The following IDO2 variants were observed in gnomAD, a reference collection of about 807,000 sequenced individuals.
IDO2 encodes indoleamine 2,3-dioxygenase 2.
In IDO2, 46 loss-of-function variants were observed where a neutral mutation model predicts 45.1. That is an observed-to-expected ratio of 1.02 (90% CI 0.80 to 1.30). The LOEUF (loss-of-function observed/expected upper bound fraction) is 1.30, where lower values mean the gene tolerates loss of function less well. Ranked by LOEUF, IDO2 falls within the 50% of genes most tolerant of loss-of-function variation. The pLI is 0.00. For missense variants in IDO2, 544 were observed against 491.8 expected (o/e 1.11, Z -1.00); for synonymous variants, 218 against 184.9 (o/e 1.18, Z -1.45).
At chr8:39,966,887 G>A (rs28631334) in intron 3 of IDO2, among the ~76,000 whole-genome samples, 31,953 of 152,086 alleles carry the variant, frequency 0.21, 4,570 homozygotes, top group African/African-American at 0.41. Flanking sequence ...TAGCCCACTT[G>A]GCATTCAGGA....
At chr8:39,963,791 C>A in intron 3 of IDO2, 88 bp downstream of exon 3, 1 of 750,644 alleles carries the variant, frequency 1.3e-6, no homozygotes, top group Non-Finnish European at 2.2e-6. Flanking sequence ...TGTCAATTGT[C>A]CTGGGAAACT....
chr8:39,970,066 C>G (rs921257870), intron 3 of IDO2, among the ~76,000 whole-genome samples: 2 of 152,122 alleles, frequency 1.3e-5, no homozygotes, highest in Admixed American at 6.5e-5. Context: ...AGCAAAAGAG[C>G]CTTATTGCTG....
chr8:40,007,616 C>T (rs1324440875), intron 9 of IDO2, among the ~76,000 whole-genome samples: 1 of 152,180 alleles, frequency 6.6e-6, no homozygotes, highest in African/African-American at 2.4e-5. Flanking sequence ...ACTATAGATG[C>T]AGAAACAGAC....
intron 1 of IDO2, among the ~76,000 whole-genome samples, chr8:39,940,306 C>A (rs530707597): frequency 6.6e-6 from 1 of 152,258 alleles, no homozygotes; most frequent in South Asian, 2.1e-4. Flanking sequence ...TATCATTCAT[C>A]CAACAAATAT....
At chr8:40,006,915 C>T (rs928283647) in intron 9 of IDO2, among the ~76,000 whole-genome samples, 1 of 152,052 alleles carries the variant, frequency 6.6e-6, no homozygotes, top group Non-Finnish European at 1.5e-5. Context: ...CCCACCTTGG[C>T]CTCCCAAAAT....
exon 3 of IDO2, chr8:39,963,675 C>T (rs772584955): frequency 1.9e-6 from 3 of 1,610,690 alleles, no homozygotes; most frequent in Non-Finnish European, 2.5e-6. Flanking sequence ...TTGATTGATG[C>T]TCACCAGCTT....
chr8:39,992,951 TCA>T (rs1280685683), intron 8 of IDO2, among the ~76,000 whole-genome samples: 4 of 152,116 alleles, frequency 2.6e-5, no homozygotes, highest in Admixed American at 1.3e-4. Context: ...CCAGCTTTTC[TCA>T]GTTTTGTAAA....
chr8:39,970,707 A>T (rs954135886), intron 3 of IDO2, among the ~76,000 whole-genome samples: 2 of 152,000 alleles, frequency 1.3e-5, no homozygotes, highest in African/African-American at 4.8e-5. Context: ...TACATTTAAA[A>T]ATAGGTGTTC....
At chr8:39,987,687 T>C (rs749495382) in intron 6 of IDO2, 184 bp from the exon 7 acceptor site, 6 of 547,454 alleles carry the variant, frequency 1.1e-5, no homozygotes, top group Non-Finnish European at 2.0e-5. Flanking sequence ...TGAACTTATC[T>C]GTTCTCTTTC....
At chr8:39,963,942 A>T (rs1808040138) in intron 3 of IDO2, among the ~76,000 whole-genome samples, 1 of 152,148 alleles carries the variant, frequency 6.6e-6, no homozygotes, top group Non-Finnish European at 1.5e-5. Context: ...CCAATAACTC[A>T]CCAAATGTTT....
At chr8:40,015,704 A>C in exon 11 of IDO2, 5 of 817,886 alleles carry the variant, frequency 6.1e-6, no homozygotes, top group Admixed American at 2.5e-5. Flanking sequence ...GAAGGATCTC[A>C]GCCCTATTCA....
chr8:39,990,948 G>T (rs186788794), intron 8 of IDO2, among the ~76,000 whole-genome samples: 11 of 152,254 alleles, frequency 7.2e-5, no homozygotes, highest in African/African-American at 2.6e-4. Context: ...TGTGAGAGAG[G>T]GGTGTGGTTT....
intron 8 of IDO2, among the ~76,000 whole-genome samples, chr8:39,992,405 C>T (rs555660922): frequency 2.0e-5 from 3 of 152,302 alleles, no homozygotes; most frequent in Admixed American, 6.5e-5. Flanking sequence ...TGGTTCTAGG[C>T]TCCCATCCCA....
intron 9 of IDO2, among the ~76,000 whole-genome samples, chr8:40,012,030 C>A (rs913438381): frequency 1.3e-5 from 2 of 152,140 alleles, no homozygotes; most frequent in East Asian, 3.9e-4. Context: ...TGTAGCACAG[C>A]CAACCCAAAG....
intron 8 of IDO2, among the ~76,000 whole-genome samples, chr8:40,003,754 C>T (rs1026810131): frequency 6.6e-6 from 1 of 152,204 alleles, no homozygotes; most frequent in East Asian, 1.9e-4. Context: ...ATTCTCCTGG[C>T]TAGGACTTCT....
At chr8:39,982,500 C>G (rs537548935) in intron 4 of IDO2, among the ~76,000 whole-genome samples, 152 bp from the exon 5 acceptor site, 1 of 152,032 alleles carries the variant, frequency 6.6e-6, no homozygotes, top group Non-Finnish European at 1.5e-5. Flanking sequence ...GATATGTGTG[C>G]GGCATATGAA....
At chr8:39,968,849 C>T (rs1808137217) in intron 3 of IDO2, among the ~76,000 whole-genome samples, 1 of 150,428 alleles carries the variant, frequency 6.6e-6, no homozygotes, top group Non-Finnish European at 1.5e-5. Flanking sequence ...GCACATTCTG[C>T]ACATGTATCC....
At chr8:40,001,245 ATTTTT>A (rs1187145007) in intron 8 of IDO2, among the ~76,000 whole-genome samples, 113 of 94,446 alleles carry the variant, frequency 1.2e-3, no homozygotes, top group African/African-American at 4.4e-3. Flanking sequence ...GGCTTTCCTC[ATTTTT>A]TTTTTTTTTT....
chr8:40,005,496 G>A (rs1802208153), intron 9 of IDO2, 118 bp downstream of exon 9: 1 of 532,812 alleles, frequency 1.9e-6, no homozygotes, highest in Non-Finnish European at 3.2e-6. Context: ...ACTCTTGCTA[G>A]GGATCCACTC....
Sources: gnomAD v4.1 joint callset for allele counts (sites outside exome capture counted in the v4.1 genomes callset) on GRCh38, gnomAD v4.1.1 for gene constraint, MANE v1.5 for transcripts, NCBI Gene and HGNC (gene_info 2026-07-23, HGNC 2026-07-21) for gene names.